The following ATP8A1 variants were observed in gnomAD, a reference collection of about 807,000 sequenced individuals.
The protein encoded by ATP8A1 is ATPase phospholipid transporting 8A1, also known as phospholipid-transporting ATPase IA.
In ATP8A1, 90 loss-of-function variants were observed where a neutral mutation model predicts 177.7. The observed-to-expected ratio is 0.51, with a 90% CI of 0.43 to 0.60. ATP8A1 has a LOEUF of 0.60. Ranked by LOEUF, ATP8A1 falls within the 20% of genes least tolerant of loss-of-function variation. The pLI is 0.00. For missense variants in ATP8A1, 1,072 were observed against 1,392.8 expected (o/e 0.77, Z 3.67); for synonymous variants, 493 against 485.9 (o/e 1.01, Z -0.19).
chr4:42,623,759 C>T (rs971691106), intron 4 of ATP8A1, among the ~76,000 whole-genome samples: 7 of 152,086 alleles, frequency 4.6e-5, no homozygotes, highest in Admixed American at 2.0e-4. Flanking sequence ...AATAGATGCT[C>T]GGTTTAATGC....
intron 25 of ATP8A1, among the ~76,000 whole-genome samples, chr4:42,485,085 CCT>C (rs1722058432): frequency 6.6e-6 from 1 of 152,048 alleles, no homozygotes; most frequent in Non-Finnish European, 1.5e-5. Context: ...TCAATAAATA[CCT>C]CTCAGAAAAA....
chr4:42,602,112 TA>T (rs527355024), intron 5 of ATP8A1, among the ~76,000 whole-genome samples: 1 of 152,144 alleles, frequency 6.6e-6, no homozygotes, highest in South Asian at 2.1e-4. Flanking sequence ...TTCATTAATT[TA>T]AAAAAATAAT....
At chr4:42,413,545 G>T (rs1712867140) in intron 36 of ATP8A1, among the ~76,000 whole-genome samples, 1 of 152,098 alleles carries the variant, frequency 6.6e-6, no homozygotes, top group Admixed American at 6.5e-5. Flanking sequence ...ATATAAAATG[G>T]CACAGTATTT....
intron 22 of ATP8A1, among the ~76,000 whole-genome samples, chr4:42,509,849 C>CAA (rs751055015): frequency 0.1 from 8,109 of 78,590 alleles, 492 homozygotes; most frequent in Admixed American, 0.15. Flanking sequence ...GAGACAGTCT[C>CAA]AAAAAAAAAA....
intron 25 of ATP8A1, among the ~76,000 whole-genome samples, chr4:42,478,701 G>C (rs967005769): frequency 2.0e-5 from 3 of 152,188 alleles, no homozygotes; most frequent in Non-Finnish European, 4.4e-5. Context: ...TCCTAGAACA[G>C]AGGGAAGGCA....
At chr4:42,549,806 AAT>A (rs1193645610) in intron 18 of ATP8A1, among the ~76,000 whole-genome samples, 1 of 152,202 alleles carries the variant, frequency 6.6e-6, no homozygotes, top group Non-Finnish European at 1.5e-5. Flanking sequence ...CTCTAAAAAA[AAT>A]AATTGGTGTT....
At chr4:42,472,612 T>C (rs1720558530) in intron 25 of ATP8A1, among the ~76,000 whole-genome samples, 1 of 151,850 alleles carries the variant, frequency 6.6e-6, no homozygotes, top group South Asian at 2.1e-4. Flanking sequence ...AGTGTGGTGA[T>C]GTGCGCCCAT....
intron 33 of ATP8A1, among the ~76,000 whole-genome samples, chr4:42,427,323 A>G (rs533491559): frequency 6.6e-6 from 1 of 152,366 alleles, no homozygotes; most frequent in South Asian, 2.1e-4. Flanking sequence ...ATTTATCTTC[A>G]TAAGAATAGC....
At chr4:42,488,552 C>G (rs1017773009) in intron 24 of ATP8A1, among the ~76,000 whole-genome samples, 1 of 152,172 alleles carries the variant, frequency 6.6e-6, no homozygotes, top group Non-Finnish European at 1.5e-5. Context: ...CTTTATAAAA[C>G]AAATTTAAAA....
At chr4:42,506,117 A>G (rs1724341102) in intron 23 of ATP8A1, among the ~76,000 whole-genome samples, 1 of 152,144 alleles carries the variant, frequency 6.6e-6, no homozygotes. Context: ...TTAGGTTTCA[A>G]TGAGACCATA....
intron 33 of ATP8A1, among the ~76,000 whole-genome samples, chr4:42,427,694 C>G (rs569244270): frequency 3.3e-5 from 5 of 152,318 alleles, no homozygotes; most frequent in Non-Finnish European, 7.4e-5. Flanking sequence ...CCTGTGGTTG[C>G]TAGTCCTGAA....
chr4:42,632,237 G>A (rs992417769), intron 1 of ATP8A1, among the ~76,000 whole-genome samples: 2 of 152,234 alleles, frequency 1.3e-5, no homozygotes, highest in South Asian at 2.1e-4. Flanking sequence ...CTTAAAAACG[G>A]TCAGAATCAA....
chr4:42,513,929 C>T (rs1379850884), intron 22 of ATP8A1, among the ~76,000 whole-genome samples: 1 of 152,176 alleles, frequency 6.6e-6, no homozygotes, highest in Admixed American at 6.5e-5. Flanking sequence ...CTGTGGGATT[C>T]TCAGAGGCAT....
intron 25 of ATP8A1, among the ~76,000 whole-genome samples, chr4:42,466,975 C>T (rs1211316286): frequency 1.3e-5 from 2 of 152,182 alleles, no homozygotes; most frequent in South Asian, 2.1e-4. Flanking sequence ...TTATCAAATT[C>T]TCTTTAATAG....
intron 9 of ATP8A1, among the ~76,000 whole-genome samples, chr4:42,582,179 G>A (rs1733160848): frequency 6.6e-6 from 1 of 152,138 alleles, no homozygotes; most frequent in African/African-American, 2.4e-5. Context: ...TGCCAGCCAG[G>A]AAGATGACCC....
At chr4:42,587,783 C>CT (rs1462160522) in intron 8 of ATP8A1, among the ~76,000 whole-genome samples, 1 of 151,218 alleles carries the variant, frequency 6.6e-6, no homozygotes, top group African/African-American at 2.4e-5. Context: ...ATTTTTTGTA[C>CT]TTTTTTAGTA....
Position 42,455,197 on chromosome 4 carries a change from G to C in ATP8A1, c.2817+100C>G. ...AGTCGGTACCCTGGAGTTGTCTCAG[G>C]CTAGTGTATCCTTGGCCTTTGAAAA... On this transcript the variant is annotated intron_variant, in intron 29 of 36. Coordinates refer to ENST00000381668, the MANE Select transcript of ATP8A1 (RefSeq NM_006095.2). The C allele has an allele frequency of 2.1e-6, 3 of 1,442,096 alleles. No individual in the cohort carries two copies. The South Asian group carries it at 4.3e-5, about 21-fold the overall frequency. The allele number at this position is 1,442,096 out of a possible 1,614,324, so 89.3% of individuals were successfully genotyped here. A position where few individuals can be genotyped will look rare whatever the true frequency, so the allele number is the denominator to read the frequency against.
chr4:42,496,569 A>T (rs1040645634), intron 24 of ATP8A1, among the ~76,000 whole-genome samples: 7 of 152,176 alleles, frequency 4.6e-5, no homozygotes, highest in African/African-American at 1.7e-4. Flanking sequence ...GAAGGTAACA[A>T]CTAGGGCCTG....
chr4:42,540,627 T>C (rs1235732691), intron 20 of ATP8A1, among the ~76,000 whole-genome samples: 1 of 152,016 alleles, frequency 6.6e-6, no homozygotes, highest in Non-Finnish European at 1.5e-5. Context: ...ATCATGTCAT[T>C]TGCAGCATCG....
Sources: gnomAD v4.1 joint callset for allele counts (sites outside exome capture counted in the v4.1 genomes callset) on GRCh38, gnomAD v4.1.1 for gene constraint, MANE v1.5 for transcripts, NCBI Gene and HGNC (gene_info 2026-07-23, HGNC 2026-07-21) for gene names.